The following ZNF442 variants were observed in gnomAD, a reference collection of about 807,000 sequenced individuals.
ZNF442 encodes the protein zinc finger protein 442.
In ZNF442, 45 loss-of-function variants were observed where a neutral mutation model predicts 57.0. The ratio of observed to expected loss-of-function variants is 0.79; its 90% CI spans 0.62 to 1.01. The LOEUF (loss-of-function observed/expected upper bound fraction) is 1.01, where lower values mean the gene tolerates loss of function less well. ZNF442 is among the 50% of genes least tolerant of loss of function. The pLI, the probability that ZNF442 is intolerant of heterozygous loss-of-function variation, is 0.00. For missense variants in ZNF442, 690 were observed against 756.5 expected (o/e 0.91, Z 1.03); for synonymous variants, 213 against 241.8 (o/e 0.88, Z 1.10).
At chr19:12,352,210 G>A (rs1006764802) in intron 4 of ZNF442, 140 bp from the exon 5 acceptor site, 17 of 695,776 alleles carry the variant, frequency 2.4e-5, no homozygotes, top group African/African-American at 1.8e-4. Context: ...TTTGTACCTC[G>A]TAAGTCCACT....
At position 12,346,503 on chromosome 19, in the gene ZNF442, T is replaced by C. The variant is rs886356463; in HGVS notation, c.*3198A>G. 3 of 152,204 alleles carry C rather than the reference T, an allele frequency of 2.0e-5. No homozygotes were observed. Among genetic ancestry groups the C allele is most frequent in the Admixed American group, 6.5e-5 (1 of 15,274 alleles). The allele number at this position is 152,204 out of a possible 1,614,324, so 9.4% of individuals were successfully genotyped here. A position where few individuals can be genotyped will look rare whatever the true frequency, so the allele number is the denominator to read the frequency against. On this transcript the variant is annotated 3_prime_UTR_variant, in exon 6 of 6. Coordinates refer to ENST00000242804, the MANE Select transcript of ZNF442 (RefSeq NM_030824.3). ...GCATTGCTGGAGAGAATGTAAAACA[T>C]TGTAGCCACTTTGTAAAGCAATATA...
intron 3 of ZNF442, among the ~76,000 whole-genome samples, chr19:12,354,183 C>T (rs1223771919): frequency 1.3e-5 from 2 of 152,162 alleles, no homozygotes; most frequent in Non-Finnish European, 2.9e-5. Flanking sequence ...TTTATTGCAA[C>T]ATGTTACTTG....
chr19:12,349,019 A>G lies in ZNF442; in HGVS notation c.*682T>C, dbSNP rs940093520. On this transcript the variant is annotated 3_prime_UTR_variant, in exon 6 of 6. Coordinates refer to ENST00000242804, the MANE Select transcript of ZNF442 (RefSeq NM_030824.3). ...AATATGATGAAACCCCGTCTCTACT[A>G]AAAATACAAAAAAAAAAAAAAAAAA... is the stretch of plus-strand genomic sequence containing the variant. 35 of 139,210 alleles carry G rather than the reference A, an allele frequency of 2.5e-4. No homozygotes were observed. The highest frequency in any genetic ancestry group is 9.8e-4 in the African/African-American group (34 of 34,824). 8.6% of individuals were successfully genotyped at this position (139,210 alleles called of 1,614,324 possible).
chr19:12,358,026 G>C (rs548692335), intron 3 of ZNF442, among the ~76,000 whole-genome samples: 1 of 149,670 alleles, frequency 6.7e-6, no homozygotes, highest in Non-Finnish European at 1.5e-5. Flanking sequence ...GCAATGGCGC[G>C]ATCTCGGCTC....
Position 12,350,041 on chromosome 19 carries a change from G to T in ZNF442, c.1544C>A (p.Pro515His), listed in dbSNP as rs1330235343. The change falls in exon 6 of 6, where the codon CCT becomes CAT. Residue 515 changes from proline (P) to histidine (H), a missense_variant. Physicochemically the swap from Pro to His is moderately conservative, Grantham distance 77. Transcript: ENST00000242804. ...TTTCTTACATGTTTTACATTCATAA[G>T]GTTTTTCAGCCATGTGAGTCCTTCT... Reference protein sequence around the residue: ...QHRRTHMAEKPYECKTCKKAF... With the variant: ...QHRRTHMAEKHYECKTCKKAF... 6.2e-7 allele frequency: 1 copy of T among 1,613,546 alleles called. No individual in the cohort carries two copies. The highest frequency in any genetic ancestry group is 1.1e-5 in the South Asian group (1 of 91,044).
At chr19:12,358,002 G>A (rs1241278769) in intron 3 of ZNF442, among the ~76,000 whole-genome samples, 3 of 145,278 alleles carry the variant, frequency 2.1e-5, no homozygotes, top group Non-Finnish European at 4.5e-5. Flanking sequence ...TCGCTCTGTC[G>A]CCCAGGCTGG....
intron 3 of ZNF442, among the ~76,000 whole-genome samples, chr19:12,354,800 CTTA>C (rs1454965823): frequency 1.3e-5 from 2 of 152,184 alleles, no homozygotes; most frequent in Non-Finnish European, 2.9e-5. Context: ...TCATTATTTT[CTTA>C]TTAACATTAT....
chr19:12,364,626 G>T (rs1215104149), intron 2 of ZNF442, among the ~76,000 whole-genome samples, 176 bp downstream of exon 2: 1 of 151,984 alleles, frequency 6.6e-6, no homozygotes, highest in Admixed American at 6.6e-5. Flanking sequence ...TAGAATGAGG[G>T]AACAGGGTAG....
chr19:12,366,927 G>A (rs1483336966), upstream of ZNF442, among the ~76,000 whole-genome samples: 16 of 152,298 alleles, frequency 1.1e-4, no homozygotes, highest in South Asian at 4.1e-4. Flanking sequence ...GAGCCACCAC[G>A]CCTGGCCTGT....
At position 12,350,080 on chromosome 19, in the gene ZNF442, T is replaced by C; in HGVS notation, c.1505A>G (p.Tyr502Cys). The C allele has an allele frequency of 1.2e-6, 2 of 1,613,108 alleles. No homozygotes were observed. Among genetic ancestry groups the C allele is most frequent in the Non-Finnish European group, 1.7e-6 (2 of 1,179,762 alleles). Reference sequence around the variant, plus strand: ...GTGAGTCCTTCTATGTTGAGAAAGGTATGTGAAACAACTGAATGCTTTCCC... The same window carrying C: ...GTGAGTCCTTCTATGTTGAGAAAGGCATGTGAAACAACTGAATGCTTTCCC... ...ECGKAFSCFTYLSQHRRTHMA... is the reference protein window; with the variant it reads ...ECGKAFSCFTCLSQHRRTHMA... Residue 502 changes from tyrosine (Y) to cysteine (C), a missense_variant, in exon 6 of 6, where the codon TAC becomes TGC. Tyr to Cys is a radical substitution (Grantham distance 194). Transcript: ENST00000242804.
chr19:12,352,008 AC>A lies in ZNF442; in HGVS notation c.266+1del, dbSNP rs773279587. The A allele has an allele frequency of 1.2e-6, 2 of 1,613,418 alleles. No individual in the cohort carries two copies. The highest frequency in any genetic ancestry group is 4.5e-5 in the East Asian group (2 of 44,842). On this transcript the variant is annotated splice_donor_variant, in intron 5 of 5. Transcript: ENST00000242804. LOFTEE classifies it high-confidence loss of function. ...TGTCTTTCTCTTGTGAGTGCAAATT[AC>A]CTTAGGCTCCTCCTGGGATTTCTGT...
intron 4 of ZNF442, among the ~76,000 whole-genome samples, 170 bp downstream of exon 4, chr19:12,352,818 A>T (rs1969265278): frequency 6.6e-6 from 1 of 152,224 alleles, no homozygotes; most frequent in Non-Finnish European, 1.5e-5. Context: ...TGTAGTGAAC[A>T]AAAAGTTATA....
chr19:12,370,738 G>C (rs1257298017), upstream of ZNF442, among the ~76,000 whole-genome samples: 2 of 152,070 alleles, frequency 1.3e-5, no homozygotes, highest in Admixed American at 1.3e-4. Context: ...ACCTTGGCAG[G>C]CCGAGGCAGG....
chr19:12,370,521 G>T (rs1969572202), upstream of ZNF442, among the ~76,000 whole-genome samples: 1 of 152,052 alleles, frequency 6.6e-6, no homozygotes, highest in African/African-American at 2.4e-5. Context: ...AAGGCAACAA[G>T]GGGTCACTGG....
At chr19:12,355,208 G>A (rs1420918893) in intron 3 of ZNF442, among the ~76,000 whole-genome samples, 5 of 147,394 alleles carry the variant, frequency 3.4e-5, no homozygotes, top group East Asian at 4.1e-4. Context: ...GGAGAATGGC[G>A]TGAACCCAAG....
the ZNF442 span, among the ~76,000 whole-genome samples, chr19:12,373,035 G>A: frequency 1.3e-5 from 2 of 152,176 alleles, no homozygotes; most frequent in Non-Finnish European, 2.9e-5. Flanking sequence ...GCCTCCCAAA[G>A]TGCTGGGATT....
At chr19:12,352,221 T>A in intron 4 of ZNF442, 151 bp from the exon 5 acceptor site, 1 of 682,740 alleles carries the variant, frequency 1.5e-6, no homozygotes, top group Non-Finnish European at 2.3e-6. Flanking sequence ...TAAGTCCACT[T>A]ATTTTATGTT....
rs564180828 is a variant in ZNF442, at chr19:12,349,751, G to C, written c.1834C>G (p.Leu612Val). ...CKECGKALSSLSSLHRHKRTH... is the reference protein window; with the variant it reads ...CKECGKALSSVSSLHRHKRTH... Reference sequence around the variant, plus strand: ...CTTTTATGTCTATGCAAGGAACTGAGAGAACTCAGTGCCTTCCCACATTCC... The same window carrying C: ...CTTTTATGTCTATGCAAGGAACTGACAGAACTCAGTGCCTTCCCACATTCC... The change falls in exon 6 of 6, where the codon CTC becomes GTC. Residue 612 changes from leucine to valine, a missense_variant. By Grantham distance (32) the Leu-to-Val change is conservative. Transcript: ENST00000242804. The C allele has an allele frequency of 3.1e-6, 5 of 1,614,012 alleles. No individual in the cohort carries two copies. Among genetic ancestry groups the C allele is most frequent in the Non-Finnish European group, 4.2e-6 (5 of 1,179,952 alleles).
At chr19:12,355,722 C>CT (rs1969317869) in intron 3 of ZNF442, among the ~76,000 whole-genome samples, 1 of 151,382 alleles carries the variant, frequency 6.6e-6, no homozygotes, top group Non-Finnish European at 1.5e-5. Context: ...ATTCCCAGCA[C>CT]TTTGAGAGGC....
Sources: gnomAD v4.1 joint callset for allele counts (sites outside exome capture counted in the v4.1 genomes callset) on GRCh38, gnomAD v4.1.1 for gene constraint, MANE v1.5 for transcripts, NCBI Gene and HGNC (gene_info 2026-07-23, HGNC 2026-07-21) for gene names.